Variants in SIRT1 observed in about 807,000 individuals in gnomAD.
The protein encoded by SIRT1 is sirtuin 1.
In SIRT1, 24 loss-of-function variants were observed where a neutral mutation model predicts 67.9. That is an observed-to-expected ratio of 0.35 (90% CI 0.26 to 0.50). The LOEUF (loss-of-function observed/expected upper bound fraction) is 0.50. Among genes scored for constraint, SIRT1 ranks in the 20% least tolerant of loss-of-function variants. The pLI is 0.98. For missense variants in SIRT1, 873 were observed against 937.2 expected (o/e 0.93, Z 0.89); for synonymous variants, 378 against 350.7 (o/e 1.08, Z -0.87).
intron 4 of SIRT1, among the ~76,000 whole-genome samples, chr10:67,894,646 A>C (rs1224631422): frequency 1.3e-5 from 2 of 152,204 alleles, no homozygotes; most frequent in African/African-American, 2.4e-5. Context: ...TTTATTGTTA[A>C]ACTGAAAAAA....
intron 2 of SIRT1, 100 bp downstream of exon 2, chr10:67,887,633 A>G (rs1024684636): frequency 1.8e-5 from 13 of 735,994 alleles, no homozygotes; most frequent in Admixed American, 6.7e-5. Flanking sequence ...CTGGAGTGCA[A>G]TGGCGCGATC....
chr10:67,910,289 CGCTT>C (rs1433056458), intron 7 of SIRT1, among the ~76,000 whole-genome samples: 1 of 152,032 alleles, frequency 6.6e-6, no homozygotes, highest in African/African-American at 2.4e-5. Flanking sequence ...GCATGAGAAT[CGCTT>C]GAACTCAGGA....
At position 67,908,217 on chromosome 10, in the gene SIRT1, TATGGTACAGAAAG is replaced by T. The variant is rs2131882531; in HGVS notation, c.1170+95_1170+107del. 3 of 1,006,224 alleles carry T rather than the reference TATGGTACAGAAAG, an allele frequency of 3.0e-6. No individual in the cohort carries two copies. In the African/African-American group the frequency reaches 4.9e-5, roughly 16 times the overall value. 62.3% of individuals were successfully genotyped at this position (1,006,224 alleles called of 1,614,324 possible). A position where few individuals can be genotyped will look rare whatever the true frequency, so the allele number is the denominator to read the frequency against. Reference sequence around the variant, plus strand: ...TCCTTTTTTACCCCTTTAAAGTATATATGGTACAGAAAGATTCAGGAAGAAAATAGTTAGCATT... The same window carrying T: ...TCCTTTTTTACCCCTTTAAAGTATATATTCAGGAAGAAAATAGTTAGCATT... On this transcript the variant is annotated intron_variant, in intron 6 of 8. Coordinates refer to ENST00000212015, the MANE Select transcript of SIRT1 (RefSeq NM_012238.5).
intron 3 of SIRT1, among the ~76,000 whole-genome samples, chr10:67,890,874 C>G (rs1368448121): frequency 6.6e-6 from 1 of 151,032 alleles, no homozygotes; most frequent in African/African-American, 2.4e-5. Flanking sequence ...ACTAAAAATA[C>G]AAAAAATCAG....
At position 67,912,016 on chromosome 10, in the gene SIRT1, G is replaced by A. The variant is rs891317627; in HGVS notation, c.1358-458G>A. Among the ~76,000 whole-genome samples the A allele has an allele frequency of 2.6e-5, 4 of 152,082 alleles. No individual in the cohort carries two copies. The South Asian group carries it at 6.2e-4, about 24-fold the overall frequency. On this transcript the variant is annotated intron_variant, in intron 7 of 8. Coordinates refer to ENST00000212015, the MANE Select transcript of SIRT1 (RefSeq NM_012238.5). Reference sequence around the variant, plus strand: ...TGACCTCAGGTGATCCGCCTGCCTCGGCCTCCCAAAGTGCTGGGATTACAG... The same window carrying A: ...TGACCTCAGGTGATCCGCCTGCCTCAGCCTCCCAAAGTGCTGGGATTACAG...
Position 67,912,720 on chromosome 10 carries a change from C to T in SIRT1, c.1604C>T (p.Ser535Leu). Residue 535 changes from serine to leucine, a missense_variant, in exon 8 of 9, where the codon TCA (serine) becomes TTA (leucine). Ser to Leu is a moderately radical substitution (Grantham distance 145). Around this residue, in one of 3 missense-constraint regions of SIRT1, gnomAD observed 295 missense variants for 294.5 expected, o/e 1.00. Coordinates refer to ENST00000212015, the MANE Select transcript of SIRT1 (RefSeq NM_012238.5). The part of the protein sequence containing the change: ...SELPPTPLHV[S>L]EDSSSPERTS... ...TTGCCACCCACACCTCTTCATGTTT[C>T]AGAAGACTCAAGTTCACCAGAAAGA... 2 of 1,614,114 alleles carry T rather than the reference C, an allele frequency of 1.2e-6. No individual in the cohort carries two copies. The highest frequency in any genetic ancestry group is 1.7e-6 in the Non-Finnish European group (2 of 1,180,026).
rs1014597779 is a variant in SIRT1, at chr10:67,885,264, C to G, written c.430+113C>G. ...GCTCGGGGCAGGCTCCGCGGCGTTC[C>G]CCTCCCCACCCCGGCCCTCCGTTCA... On this transcript the variant is annotated intron_variant, in intron 1 of 8. Transcript: ENST00000212015. 2.4e-6 allele frequency: 3 copies of G among 1,247,354 alleles called. No individual in the cohort carries two copies. The South Asian group carries it at 1.0e-4, about 42-fold the overall frequency. The allele number at this position is 1,247,354 out of a possible 1,614,324, so 77.3% of individuals were successfully genotyped here. A position where few individuals can be genotyped will look rare whatever the true frequency, so the allele number is the denominator to read the frequency against.
At chr10:67,910,928 A>G (rs1182338095) in intron 7 of SIRT1, among the ~76,000 whole-genome samples, 1 of 152,128 alleles carries the variant, frequency 6.6e-6, no homozygotes, top group African/African-American at 2.4e-5. Flanking sequence ...CTAGCCAGAG[A>G]ATTGAATTAG....
At chr10:67,891,616 A>G in intron 4 of SIRT1, 62 bp downstream of exon 4, 3 of 1,530,354 alleles carry the variant, frequency 2.0e-6, no homozygotes, top group Non-Finnish European at 9.0e-7. Context: ...TTTTGTTCAC[A>G]TACAGCCACC....
At chr10:67,903,687 A>C (rs913409054) in intron 4 of SIRT1, among the ~76,000 whole-genome samples, 3 of 152,102 alleles carry the variant, frequency 2.0e-5, no homozygotes, top group Non-Finnish European at 2.9e-5. Flanking sequence ...ACATCCGGCC[A>C]ATTTCTGCGG....
chr10:67,893,506 ACTT>A (rs1208274891), intron 4 of SIRT1, among the ~76,000 whole-genome samples: 1 of 148,494 alleles, frequency 6.7e-6, no homozygotes, highest in African/African-American at 2.5e-5. Context: ...GTGAATAGGG[ACTT>A]CTTTAATGAA....
intron 3 of SIRT1, among the ~76,000 whole-genome samples, chr10:67,890,523 T>C (rs1313485041): frequency 1.3e-5 from 2 of 151,758 alleles, no homozygotes; most frequent in Admixed American, 1.3e-4. Context: ...AGTGGGAGGA[T>C]CACTTGAGCC....
chr10:67,912,380 C>A lies in SIRT1; in HGVS notation c.1358-94C>A. 7.9e-6 allele frequency: 9 copies of A among 1,141,320 alleles called. No individual in the cohort carries two copies. In the South Asian group the frequency reaches 1.2e-4, roughly 16 times the overall value. The allele number at this position is 1,141,320 out of a possible 1,614,324, so 70.7% of individuals were successfully genotyped here. On this transcript the variant is annotated intron_variant, in intron 7 of 8. Coordinates refer to ENST00000212015, the MANE Select transcript of SIRT1 (RefSeq NM_012238.5). ...CTTTTTTGGGAATTTGGAGCTCAAG[C>A]CCTTGTTGGATTTTTGCATAATGTA...
intron 4 of SIRT1, among the ~76,000 whole-genome samples, chr10:67,896,369 T>G (rs1842658111): frequency 6.6e-6 from 1 of 152,186 alleles, no homozygotes; most frequent in African/African-American, 2.4e-5. Context: ...GGTCTTGAAA[T>G]CCTGGGTTCC....
chr10:67,912,965 G>T lies in SIRT1; in HGVS notation c.1849G>T (p.Ala617Ser). The change falls in exon 8 of 9, where the codon GCT becomes TCT. Residue 617 changes from alanine to serine, a missense_variant. By Grantham distance (99) the Ala-to-Ser change is moderately conservative. Transcript: ENST00000212015. ...GGAGAAAAATGAAAGAACTTCAGTG[G>T]CTGGAACAGTGAGAAAATGCTGGCC... Reference protein sequence around the residue: ...TGEKNERTSVAGTVRKCWPNR... With the variant: ...TGEKNERTSVSGTVRKCWPNR... 6.2e-7 allele frequency: 1 copy of T among 1,613,816 alleles called. No homozygotes were observed. The highest frequency in any genetic ancestry group is 2.2e-5 in the East Asian group (1 of 44,886).
chr10:67,903,647 A>G (rs974744841), intron 4 of SIRT1, among the ~76,000 whole-genome samples: 3 of 152,164 alleles, frequency 2.0e-5, no homozygotes, highest in African/African-American at 4.8e-5. Flanking sequence ...TCGGCCACCC[A>G]AAGTGCTGGG....
chr10:67,893,178 C>T (rs766293932), intron 4 of SIRT1, among the ~76,000 whole-genome samples: 15 of 152,092 alleles, frequency 9.9e-5, no homozygotes, highest in Non-Finnish European at 1.8e-4. Context: ...GTGCAGAATG[C>T]GCAGATTTGT....
At chr10:67,900,649 G>A (rs951871639) in intron 4 of SIRT1, among the ~76,000 whole-genome samples, 1 of 151,718 alleles carries the variant, frequency 6.6e-6, no homozygotes, top group Non-Finnish European at 1.5e-5. Context: ...TTGCTATGTT[G>A]CCCAGGCTGG....
At chr10:67,911,617 CCCCT>C (rs1236770814) in intron 7 of SIRT1, among the ~76,000 whole-genome samples, 5 of 129,856 alleles carry the variant, frequency 3.9e-5, no homozygotes, top group Admixed American at 7.8e-5. Flanking sequence ...CTCCCCCCCT[CCCCT>C]CCCTCCCTCC....
Sources: gnomAD v4.1 joint callset for allele counts (sites outside exome capture counted in the v4.1 genomes callset) on GRCh38, gnomAD v4.1.1 for gene constraint, gnomAD v4.1.1 regional missense constraint, MANE v1.5 for transcripts, NCBI Gene and HGNC (gene_info 2026-07-23, HGNC 2026-07-21) for gene names.